The following MYRIP variants were observed in gnomAD, a reference collection of about 807,000 sequenced individuals.
MYRIP encodes myosin VIIA and Rab interacting protein.
MYRIP carries 49 observed loss-of-function variants against 98.0 expected under a neutral mutation model. That is an observed-to-expected ratio of 0.50 (90% CI 0.40 to 0.63). The LOEUF is 0.63. Ranked by LOEUF, MYRIP falls within the 30% of genes least tolerant of loss-of-function variation. The probability of loss-of-function intolerance (pLI) is 0.00; values close to 1 mark genes in which losing one functional copy is unlikely to be tolerated. For synonymous variants in MYRIP, 404 were observed against 409.5 expected, an observed-to-expected ratio of 0.99 and a Z score of 0.16; for missense variants, 1,004 against 1,058.2, an observed-to-expected ratio of 0.95 and a Z score of 0.71.
At chr3:40,117,713 C>G (rs2125907788) in intron 3 of MYRIP, among the ~76,000 whole-genome samples, 1 of 152,268 alleles carries the variant, frequency 6.6e-6, no homozygotes, top group Admixed American at 6.5e-5. Context: ...TATAGCCAGA[C>G]CTCAGTTCCA....
chr3:40,151,016 A>G, intron 3 of MYRIP, 32 bp from the exon 4 acceptor site: 1 of 1,514,124 alleles, frequency 6.6e-7, no homozygotes, highest in Non-Finnish European at 8.9e-7. Flanking sequence ...TAATAATTCT[A>G]ATTTTGTGTT....
At chr3:40,034,666 G>A (rs536213722) in intron 2 of MYRIP, among the ~76,000 whole-genome samples, 3 of 149,788 alleles carry the variant, frequency 2.0e-5, no homozygotes, top group East Asian at 2.1e-4. Flanking sequence ...TGGGTGTGGT[G>A]ATTCCTCAGG....
intron 2 of MYRIP, among the ~76,000 whole-genome samples, chr3:40,004,963 C>T (rs1946601072): frequency 6.6e-6 from 1 of 152,124 alleles, no homozygotes; most frequent in Non-Finnish European, 1.5e-5. Flanking sequence ...TTGGAGTCCC[C>T]AGTGTCCCAT....
intron 2 of MYRIP, among the ~76,000 whole-genome samples, chr3:39,929,953 C>T (rs1196740807): frequency 1.3e-5 from 2 of 151,540 alleles, no homozygotes; most frequent in Non-Finnish European, 3.0e-5. Context: ...TTTTGTTTAC[C>T]CATTCATTAG....
At chr3:39,842,100 T>G (rs1443126197) in intron 1 of MYRIP, among the ~76,000 whole-genome samples, 1 of 151,820 alleles carries the variant, frequency 6.6e-6, no homozygotes, top group Admixed American at 6.6e-5. Flanking sequence ...GAGATGAGAG[T>G]TTTATGTATA....
intron 1 of MYRIP, among the ~76,000 whole-genome samples, chr3:39,851,338 A>T (rs1192464401): frequency 6.6e-6 from 1 of 152,146 alleles, no homozygotes; most frequent in African/African-American, 2.4e-5. Context: ...GACATTGTTA[A>T]ATGTCTCCTG....
chr3:39,876,210 C>T (rs1356537562), intron 1 of MYRIP, among the ~76,000 whole-genome samples: 2 of 152,086 alleles, frequency 1.3e-5, no homozygotes, highest in Admixed American at 1.3e-4. Flanking sequence ...CTTCTTCCAT[C>T]GTTTTATTTT....
At chr3:40,106,449 AT>A (rs902337629) in intron 3 of MYRIP, among the ~76,000 whole-genome samples, 1 of 152,046 alleles carries the variant, frequency 6.6e-6, no homozygotes, top group African/African-American at 2.4e-5. Flanking sequence ...AACAGTATTT[AT>A]TTTGGGCTTT....
At chr3:39,879,722 T>G (rs1311432688) in intron 1 of MYRIP, among the ~76,000 whole-genome samples, 1 of 152,220 alleles carries the variant, frequency 6.6e-6, no homozygotes, top group African/African-American at 2.4e-5. Flanking sequence ...CACTCTTCTT[T>G]CCTGTGAAGG....
At chr3:40,175,040 C>T (rs1950718332) in intron 8 of MYRIP, among the ~76,000 whole-genome samples, 1 of 152,034 alleles carries the variant, frequency 6.6e-6, no homozygotes, top group African/African-American at 2.4e-5. Context: ...CTACTGGAGG[C>T]TGAGGCAGGA....
At chr3:39,908,862 T>C (rs1043799926) in intron 2 of MYRIP, among the ~76,000 whole-genome samples, 3 of 152,234 alleles carry the variant, frequency 2.0e-5, no homozygotes, top group Admixed American at 6.5e-5. Context: ...ATATGCCTTA[T>C]GGTTTGTGAA....
Position 40,233,991 on chromosome 3 carries a change from A to T in MYRIP, c.2038A>T (p.Met680Leu). The T allele has an allele frequency of 1.9e-6, 3 of 1,613,374 alleles. No homozygotes were observed. Among genetic ancestry groups the T allele is most frequent in the East Asian group, 2.2e-5 (1 of 44,840 alleles). The change falls in exon 12 of 17, where the codon ATG (methionine) becomes TTG (leucine). Residue 680 changes from methionine (M) to leucine (L), a missense_variant. Met to Leu is a conservative substitution (Grantham distance 15, BLOSUM62 2). This residue lies in a region of MYRIP where 880 missense variants were observed against 907.7 expected (regional missense o/e 0.97). Coordinates refer to ENST00000302541, the MANE Select transcript of MYRIP (RefSeq NM_015460.4). ...AGTCCCTCCTGACAGACAGAAGGGGATGTTTCCTCGTGGGACAGACCAAGT... is the reference window on the plus strand; with the variant it reads ...AGTCCCTCCTGACAGACAGAAGGGGTTGTTTCCTCGTGGGACAGACCAAGT... Reference protein sequence around the residue: ...PQVPPDRQKGMFPRGTDQVRL... With the variant: ...PQVPPDRQKGLFPRGTDQVRL...
intron 3 of MYRIP, among the ~76,000 whole-genome samples, chr3:40,147,628 T>A (rs1026696682): frequency 1.3e-5 from 2 of 152,206 alleles, no homozygotes; most frequent in Non-Finnish European, 2.9e-5. Context: ...CTTCTTCTAC[T>A]CAGTTAGTTT....
chr3:40,156,856 C>G (rs1023279825), intron 4 of MYRIP, among the ~76,000 whole-genome samples: 3 of 151,980 alleles, frequency 2.0e-5, no homozygotes, highest in African/African-American at 7.2e-5. Context: ...ATCCTGAAGA[C>G]TTTGCTGAAG....
intron 2 of MYRIP, among the ~76,000 whole-genome samples, chr3:40,023,135 G>A (rs987046688): frequency 2.0e-5 from 3 of 152,196 alleles, no homozygotes; most frequent in Non-Finnish European, 4.4e-5. Flanking sequence ...GAATTAATCT[G>A]AAGAGAAAGC....
intron 9 of MYRIP, among the ~76,000 whole-genome samples, chr3:40,186,658 A>C (rs1444946347): frequency 6.6e-6 from 1 of 152,216 alleles, no homozygotes; most frequent in Admixed American, 6.5e-5. Context: ...TCTAGTAGCC[A>C]GAGCAAGCCT....
chr3:40,028,040 A>G (rs1341113527), intron 2 of MYRIP, among the ~76,000 whole-genome samples: 1 of 152,166 alleles, frequency 6.6e-6, no homozygotes, highest in Non-Finnish European at 1.5e-5. Flanking sequence ...ACTGAGTTGA[A>G]GGATAGCAAA....
intron 2 of MYRIP, among the ~76,000 whole-genome samples, chr3:39,959,381 G>A (rs543611155): frequency 2.6e-4 from 40 of 152,244 alleles, no homozygotes; most frequent in Middle Eastern, 3.4e-3. Flanking sequence ...TAGGGACATG[G>A]ATGAAGCTGG....
intron 1 of MYRIP, among the ~76,000 whole-genome samples, chr3:39,828,332 T>C (rs72866579): frequency 6.6e-6 from 1 of 152,184 alleles, no homozygotes; most frequent in African/African-American, 2.4e-5. Context: ...AAAAAACTTA[T>C]CTTTAAGTTC....
Sources: allele counts gnomAD v4.1 joint callset (sites outside exome capture counted in the v4.1 genomes callset), GRCh38; gene constraint gnomAD v4.1.1; regional missense constraint gnomAD v4.1.1; transcripts MANE v1.5; gene names NCBI Gene and HGNC (gene_info 2026-07-23, HGNC 2026-07-21).